The following SLC7A11 variants were observed in gnomAD, a reference collection of about 807,000 sequenced individuals.
SLC7A11 encodes cystine/glutamate transporter.
Under a neutral mutation model 54.5 loss-of-function variants are expected in SLC7A11, and 35 were observed. The observed-to-expected ratio is 0.64, with a 90% confidence interval of 0.49 to 0.85. SLC7A11 has a LOEUF of 0.85. Among genes scored for constraint, SLC7A11 ranks in the 40% least tolerant of loss-of-function variants. The pLI is 0.00. For synonymous variants in SLC7A11, 230 were observed against 225.2 expected, an observed-to-expected ratio of 1.02 and a Z score of -0.19; for missense variants, 583 against 618.1, an observed-to-expected ratio of 0.94 and a Z score of 0.60.
chr4:138,193,414 T>C (rs1219953213), intron 6 of SLC7A11, among the ~76,000 whole-genome samples: 1 of 152,282 alleles, frequency 6.6e-6, no homozygotes, highest in Middle Eastern at 3.4e-3. Context: ...GTTCCAGTAG[T>C]TGAGGTAGGT....
At position 138,232,381 on chromosome 4, in the gene SLC7A11, G is replaced by T; in HGVS notation, c.406C>A (p.Pro136Thr). 1 of 1,569,412 alleles carries T rather than the reference G, an allele frequency of 6.4e-7. No individual in the cohort carries two copies. The highest frequency in any genetic ancestry group is 8.7e-7 in the Non-Finnish European group (1 of 1,144,926). Residue 136 changes from proline to threonine, a missense_variant and splice_region_variant, in exon 3 of 12, where the codon CCT becomes ACT. Pro to Thr is a conservative substitution (Grantham distance 38). Transcript: ENST00000280612. ...RVWVELLIIR[P>T]AATAVISLAF... ...AGGGATATCACAGCAGTAGCTGCAGGGCTAAAAAAAAATGTATATATTTAG... is the reference window on the plus strand; with the variant it reads ...AGGGATATCACAGCAGTAGCTGCAGTGCTAAAAAAAAATGTATATATTTAG...
At chr4:138,197,145 A>G (rs1578645518) in intron 6 of SLC7A11, among the ~76,000 whole-genome samples, 1 of 152,336 alleles carries the variant, frequency 6.6e-6, no homozygotes, top group Admixed American at 6.5e-5. Flanking sequence ...TAACATATGT[A>G]GTGAAGGATT....
intron 1 of SLC7A11, among the ~76,000 whole-genome samples, chr4:138,241,502 T>C (rs912847674): frequency 3.9e-5 from 6 of 152,140 alleles, no homozygotes; most frequent in African/African-American, 1.4e-4. Context: ...TGTTTTTTAC[T>C]GGGTCATGAA....
chr4:138,238,829 C>T (rs1738305389), intron 1 of SLC7A11, among the ~76,000 whole-genome samples: 1 of 152,026 alleles, frequency 6.6e-6, no homozygotes, highest in Non-Finnish European at 1.5e-5. Flanking sequence ...TCTGGAACTC[C>T]TGGGCTCAAG....
At chr4:138,172,697 G>C (rs1337709950) in intron 11 of SLC7A11, among the ~76,000 whole-genome samples, 1 of 152,148 alleles carries the variant, frequency 6.6e-6, no homozygotes, top group Admixed American at 6.6e-5. Context: ...TCCCAAGAAA[G>C]GCTGGCTCCA....
intron 3 of SLC7A11, among the ~76,000 whole-genome samples, chr4:138,231,376 T>G (rs781417696): frequency 5.3e-5 from 8 of 152,142 alleles, no homozygotes; most frequent in Non-Finnish European, 1.2e-4. Flanking sequence ...TTACAGGCAA[T>G]AAGTAAATTA....
At chr4:138,211,021 T>A (rs1157562853) in intron 6 of SLC7A11, among the ~76,000 whole-genome samples, 1 of 151,962 alleles carries the variant, frequency 6.6e-6, no homozygotes, top group African/African-American at 2.4e-5. Context: ...GTGGGTTGGA[T>A]AAAGAAAATG....
At chr4:138,222,864 G>GT (rs1737848527) in intron 4 of SLC7A11, among the ~76,000 whole-genome samples, 1 of 125,250 alleles carries the variant, frequency 8.0e-6, no homozygotes, top group Non-Finnish European at 1.6e-5. Flanking sequence ...CAATTTTAAA[G>GT]TAAAAAAAAG....
chr4:138,205,135 T>C (rs904556086), intron 6 of SLC7A11, among the ~76,000 whole-genome samples: 10 of 152,018 alleles, frequency 6.6e-5, no homozygotes, highest in Non-Finnish European at 1.5e-4. Flanking sequence ...CATTTAAAAC[T>C]GGTAAACAAA....
intron 4 of SLC7A11, among the ~76,000 whole-genome samples, chr4:138,220,314 G>T (rs1737781603): frequency 6.6e-6 from 1 of 152,092 alleles, no homozygotes; most frequent in Non-Finnish European, 1.5e-5. Flanking sequence ...ACCCATTCAT[G>T]AAGTATTGCC....
intron 3 of SLC7A11, among the ~76,000 whole-genome samples, chr4:138,230,010 G>A (rs1472294266): frequency 6.6e-6 from 1 of 152,090 alleles, no homozygotes; most frequent in Non-Finnish European, 1.5e-5. Flanking sequence ...ATGGCTGTTA[G>A]TTCAGTCCCT....
At chr4:138,240,153 G>A (rs1358027962) in intron 1 of SLC7A11, among the ~76,000 whole-genome samples, 2 of 152,084 alleles carry the variant, frequency 1.3e-5, no homozygotes, top group East Asian at 1.9e-4. Flanking sequence ...ATTTAATAAA[G>A]CACAAGTTAG....
intron 3 of SLC7A11, among the ~76,000 whole-genome samples, chr4:138,231,121 G>A (rs1302128128): frequency 6.6e-6 from 1 of 152,030 alleles, no homozygotes; most frequent in Non-Finnish European, 1.5e-5. Flanking sequence ...CTTATAAGTG[G>A]GAGCTAAATA....
chr4:138,217,637 A>G (rs1156675129), intron 5 of SLC7A11, among the ~76,000 whole-genome samples: 1 of 152,232 alleles, frequency 6.6e-6, no homozygotes, highest in African/African-American at 2.4e-5. Context: ...ATTTCATTCA[A>G]CAGAATTAAT....
chr4:138,214,601 CT>C lies in SLC7A11; in HGVS notation c.774del (p.Val259Ter), dbSNP rs749703117. On this transcript the variant is annotated frameshift_variant, in exon 6 of 12. Coordinates refer to ENST00000280612, the MANE Select transcript of SLC7A11 (RefSeq NM_014331.4). LOFTEE classifies it high-confidence loss of function. ...GCTACTTACTTTTCAGGGTTTTCTA[CT>C]TCTTCAGTAACAAAGTTGAGGTAAA... ...GWFYLNFVTE[E>X]VENPEKTIPL... is the part of the protein sequence containing the mutation. The C allele has an allele frequency of 8.3e-6, 12 of 1,442,726 alleles. No homozygotes were observed. The highest frequency in any genetic ancestry group is 2.0e-5 in the Admixed American group (1 of 49,962). The allele number at this position is 1,442,726 out of a possible 1,614,324, so 89.4% of individuals were successfully genotyped here. A position where few individuals can be genotyped will look rare whatever the true frequency, so the allele number is the denominator to read the frequency against.
chr4:138,210,299 A>G (rs1248214876), intron 6 of SLC7A11, among the ~76,000 whole-genome samples: 2 of 151,998 alleles, frequency 1.3e-5, no homozygotes, highest in Non-Finnish European at 2.9e-5. Context: ...CCCAAGAAGA[A>G]AACCTAGGAA....
At chr4:138,204,710 T>C (rs1330646037) in intron 6 of SLC7A11, among the ~76,000 whole-genome samples, 1 of 147,328 alleles carries the variant, frequency 6.8e-6, no homozygotes, top group Non-Finnish European at 1.5e-5. Flanking sequence ...GGTGTGAGCA[T>C]ACAAATATTT....
intron 6 of SLC7A11, among the ~76,000 whole-genome samples, chr4:138,199,925 C>T (rs1737237306): frequency 6.6e-6 from 1 of 152,114 alleles, no homozygotes; most frequent in Admixed American, 6.6e-5. Flanking sequence ...GGCAAGAGGA[C>T]ACTGCACTGT....
Position 138,242,206 on chromosome 4 carries a change from G to T in SLC7A11, c.-137C>A. ...TCTCAGCGCTATAGTGTTCACAGGTGAAAACTCAAAGGTGTGCTTTTTCCT... is the reference window on the plus strand; with the variant it reads ...TCTCAGCGCTATAGTGTTCACAGGTTAAAACTCAAAGGTGTGCTTTTTCCT... On this transcript the variant is annotated 5_prime_UTR_variant, in exon 1 of 12. Coordinates refer to ENST00000280612, the MANE Select transcript of SLC7A11 (RefSeq NM_014331.4). 2 of 1,017,410 alleles carry T rather than the reference G, an allele frequency of 2.0e-6. No homozygotes were observed. The highest frequency in any genetic ancestry group is 2.8e-6 in the Non-Finnish European group (2 of 709,286). 63.0% of individuals were successfully genotyped at this position (1,017,410 alleles called of 1,614,324 possible).
Sources: gnomAD v4.1 joint callset for allele counts (sites outside exome capture counted in the v4.1 genomes callset) on GRCh38, gnomAD v4.1.1 for gene constraint, MANE v1.5 for transcripts, NCBI Gene and HGNC (gene_info 2026-07-23, HGNC 2026-07-21) for gene names.